XRCC4: variants seen among roughly 807,000 people sequenced by gnomAD.
XRCC4 encodes X-ray repair cross complementing 4, also known as DNA repair protein XRCC4.
A neutral mutation model predicts 39.1 loss-of-function variants in XRCC4; 28 were observed. The observed-to-expected ratio is 0.72, with a 90% CI of 0.53 to 0.98. XRCC4 has a LOEUF of 0.98. Ranked by LOEUF, XRCC4 falls within the 50% of genes least tolerant of loss-of-function variation. XRCC4 has a pLI of 0.00. For synonymous variants in XRCC4, 123 were observed against 126.4 expected, an observed-to-expected ratio of 0.97 and a Z score of 0.18; for missense variants, 350 against 376.4, an observed-to-expected ratio of 0.93 and a Z score of 0.58.
intron 7 of XRCC4, among the ~76,000 whole-genome samples, chr5:83,283,384 C>A (rs1754617956): frequency 6.6e-6 from 1 of 152,160 alleles, no homozygotes; most frequent in South Asian, 2.1e-4. Flanking sequence ...CTCATTTCTT[C>A]CATTTATGTC....
chr5:83,333,728 G>A (rs1380815316), intron 7 of XRCC4, among the ~76,000 whole-genome samples: 1 of 151,422 alleles, frequency 6.6e-6, no homozygotes, highest in Non-Finnish European at 1.5e-5. Flanking sequence ...TTGGTAATAT[G>A]CAAATATTTT....
Position 83,089,705 on chromosome 5 carries a change from A to G in XRCC4, c.-11+12090A>G, listed in dbSNP as rs1386572518. 2.6e-5 allele frequency among the ~76,000 whole-genome samples: 4 copies of G among 151,646 alleles called. No homozygotes were observed. The East Asian group carries it at 7.7e-4, about 29-fold the overall frequency. On this transcript the variant is annotated intron_variant, in intron 1 of 7. Coordinates refer to ENST00000396027, the MANE Select transcript of XRCC4 (RefSeq NM_003401.5). ...TTTTCTTATTAGGGAGAAGCTGGGA[A>G]TGTTACATGTCTTAGAAAAAAAAAT...
the XRCC4 span, among the ~76,000 whole-genome samples, chr5:83,363,493 CA>C: frequency 5.3e-5 from 8 of 152,188 alleles, no homozygotes; most frequent in African/African-American, 1.9e-4. Context: ...CAACCACACG[CA>C]CTCAGACTCT....
At chr5:83,175,493 A>C (rs1217338615) in intron 3 of XRCC4, among the ~76,000 whole-genome samples, 1 of 152,198 alleles carries the variant, frequency 6.6e-6, no homozygotes, top group Non-Finnish European at 1.5e-5. Flanking sequence ...AGTTATTTTG[A>C]CCATAGTAAA....
chr5:83,368,240 C>T, the XRCC4 span, among the ~76,000 whole-genome samples: 1 of 152,148 alleles, frequency 6.6e-6, no homozygotes, highest in African/African-American at 2.4e-5. Flanking sequence ...TGGAAAGCGT[C>T]TTTCTCTCCC....
At chr5:83,338,826 T>C (rs1756669123) in intron 7 of XRCC4, among the ~76,000 whole-genome samples, 1 of 152,192 alleles carries the variant, frequency 6.6e-6, no homozygotes. Context: ...ATAACACAGC[T>C]GTGGTCAACG....
intron 7 of XRCC4, among the ~76,000 whole-genome samples, chr5:83,301,989 C>G (rs920903231): frequency 1.3e-5 from 2 of 151,938 alleles, no homozygotes; most frequent in Non-Finnish European, 2.9e-5. Context: ...CTTGTGGTAT[C>G]ATGGCTTTGT....
intron 7 of XRCC4, among the ~76,000 whole-genome samples, chr5:83,259,570 T>C (rs1402025845): frequency 1.3e-5 from 2 of 152,070 alleles, no homozygotes; most frequent in African/African-American, 4.8e-5. Context: ...ATGCAGAAGC[T>C]GGTGAAAATC....
intron 3 of XRCC4, among the ~76,000 whole-genome samples, chr5:83,132,250 G>A (rs567691305): frequency 3.2e-4 from 49 of 152,150 alleles, no homozygotes; most frequent in African/African-American, 1.0e-3. Flanking sequence ...TGAGAGATCC[G>A]CTGTTAGTCT....
chr5:83,288,033 C>A (rs1342877847), intron 7 of XRCC4, among the ~76,000 whole-genome samples: 1 of 151,728 alleles, frequency 6.6e-6, no homozygotes, highest in Non-Finnish European at 1.5e-5. Flanking sequence ...CTTCTTGACC[C>A]ATATGTTCAG....
At chr5:83,366,884 A>G in the XRCC4 span, among the ~76,000 whole-genome samples, 1 of 152,054 alleles carries the variant, frequency 6.6e-6, no homozygotes, top group African/African-American at 2.4e-5. Flanking sequence ...CCCTCCTACT[A>G]CTACCTATCA....
chr5:83,130,969 T>C (rs1561348693), intron 3 of XRCC4, among the ~76,000 whole-genome samples: 1 of 152,158 alleles, frequency 6.6e-6, no homozygotes, highest in African/African-American at 2.4e-5. Context: ...TCTTATCTCC[T>C]TCAATTCTGC....
chr5:83,277,785 G>A lies in XRCC4; in HGVS notation c.893+19108G>A, dbSNP rs999327. Reference sequence around the variant, plus strand: ...ACACATTTCTAAATGTTATAATCTGGAAGTTTTGTTTTCTGTCTGTACCAA... The same window carrying A: ...ACACATTTCTAAATGTTATAATCTGAAAGTTTTGTTTTCTGTCTGTACCAA... On this transcript the variant is annotated intron_variant, in intron 7 of 7. Transcript: ENST00000396027. Among the ~76,000 whole-genome samples the A allele has an allele frequency of 3.7e-3, 557 of 152,160 alleles. 12 individuals carry two copies. In the East Asian group the frequency reaches 0.072, roughly 20 times the overall value.
chr5:83,362,316 A>AAAAAAAAAAAAAC, the XRCC4 span, among the ~76,000 whole-genome samples: 8 of 146,036 alleles, frequency 5.5e-5, no homozygotes, highest in African/African-American at 2.2e-4. Flanking sequence ...AAAAAAAAAA[A>AAAAAAAAAAAAAC]AACTATCTCA....
chr5:83,288,554 A>G (rs1754810565), intron 7 of XRCC4, among the ~76,000 whole-genome samples: 1 of 151,906 alleles, frequency 6.6e-6, no homozygotes, highest in Admixed American at 6.6e-5. Flanking sequence ...ATTTCACTGA[A>G]TATAGAATTC....
chr5:83,103,477 A>G (rs1433257507), intron 1 of XRCC4, among the ~76,000 whole-genome samples: 1 of 152,136 alleles, frequency 6.6e-6, no homozygotes, highest in Non-Finnish European at 1.5e-5. Context: ...TCAATTGTAA[A>G]CTGGTACAAC....
the XRCC4 span, among the ~76,000 whole-genome samples, chr5:83,359,185 C>A: frequency 6.6e-6 from 1 of 152,118 alleles, no homozygotes; most frequent in Non-Finnish European, 1.5e-5. Context: ...ACAAGAGAAG[C>A]AGGGGTGCCA....
chr5:83,304,516 C>CA (rs1175834592), intron 7 of XRCC4, among the ~76,000 whole-genome samples: 7 of 152,132 alleles, frequency 4.6e-5, no homozygotes, highest in Non-Finnish European at 4.4e-5. Flanking sequence ...TTGGTTACTA[C>CA]AAATGTCTTT....
chr5:83,166,924 C>G (rs1412817960), intron 3 of XRCC4, among the ~76,000 whole-genome samples: 3 of 151,942 alleles, frequency 2.0e-5, no homozygotes, highest in Non-Finnish European at 2.9e-5. Flanking sequence ...CTCTGTCACC[C>G]AGACTGGGGT....
Sources: allele counts gnomAD v4.1 joint callset (sites outside exome capture counted in the v4.1 genomes callset), GRCh38; gene constraint gnomAD v4.1.1; transcripts MANE v1.5; gene names NCBI Gene and HGNC (gene_info 2026-07-23, HGNC 2026-07-21).